Variants in GLDC observed in about 807,000 individuals in gnomAD.
GLDC encodes glycine dehydrogenase (decarboxylating), mitochondrial.
GLDC carries 104 observed loss-of-function variants against 121.3 expected under a neutral mutation model. The ratio of observed to expected loss-of-function variants is 0.86; its 90% CI spans 0.73 to 1.01. The LOEUF is 1.01. Among genes scored for constraint, GLDC ranks in the 50% least tolerant of loss-of-function variants. GLDC has a pLI of 0.00. For synonymous variants in GLDC, 546 were observed against 480.6 expected, an observed-to-expected ratio of 1.14 and a Z score of -1.78; for missense variants, 1,429 against 1,306.6, an observed-to-expected ratio of 1.09 and a Z score of -1.44.
At chr9:6,626,336 G>T (rs73639333) in intron 2 of GLDC, among the ~76,000 whole-genome samples, 2 of 152,186 alleles carry the variant, frequency 1.3e-5, no homozygotes, top group Non-Finnish European at 2.9e-5. Flanking sequence ...AGCTCCAGGA[G>T]ACCAGTCAAG....
intron 20 of GLDC, 118 bp from the exon 21 acceptor site, chr9:6,551,032 A>T (rs1587920438): frequency 1.3e-6 from 1 of 765,438 alleles, no homozygotes; most frequent in East Asian, 2.4e-5. Flanking sequence ...GCCCACCATG[A>T]CTCTGGAGTA....
At chr9:6,632,108 C>T (rs1342934918) in intron 2 of GLDC, among the ~76,000 whole-genome samples, 3 of 152,136 alleles carry the variant, frequency 2.0e-5, no homozygotes, top group Non-Finnish European at 4.4e-5. Flanking sequence ...AACCGAGAAT[C>T]ACACCAAGTA....
chr9:6,589,388 A>C lies in GLDC; in HGVS notation c.1483-96T>G, dbSNP rs578059279. 2.8e-5 allele frequency: 19 copies of C among 675,126 alleles called. No individual in the cohort carries two copies. In the South Asian group the frequency reaches 3.3e-4, roughly 12 times the overall value. The allele number at this position is 675,126 out of a possible 1,614,324, so 41.8% of individuals were successfully genotyped here. A position where few individuals can be genotyped will look rare whatever the true frequency, so the allele number is the denominator to read the frequency against. ...GGGTGGCTGGGCCACAAAGCACTCA[A>C]AATGGATCAAATATATAATTTTACT... On this transcript the variant is annotated intron_variant, in intron 11 of 24. Transcript: ENST00000321612.
intron 2 of GLDC, among the ~76,000 whole-genome samples, chr9:6,620,723 A>C (rs1457634348): frequency 6.6e-6 from 1 of 152,202 alleles, no homozygotes; most frequent in African/African-American, 2.4e-5. Context: ...TACTCTCTGG[A>C]AGTAGGCACA....
Position 6,645,729 on chromosome 9 carries a change from T to C in GLDC, c.-230A>G, listed in dbSNP as rs188460141. On this transcript the variant is annotated 5_prime_UTR_variant, in exon 1 of 25. Coordinates refer to ENST00000321612, the MANE Select transcript of GLDC (RefSeq NM_000170.3). ...CCCAAGGCACCTGCTCCGCACACTT[T>C]AAGCGGCGCCCTGGAGGCGGGAGGT... 247 of 274,998 alleles carry C rather than the reference T, an allele frequency of 9.0e-4. 2 individuals carry two copies. The highest frequency in any genetic ancestry group is 5.0e-3 in the African/African-American group (225 of 44,630). 17.0% of individuals were successfully genotyped at this position (274,998 alleles called of 1,614,324 possible). A position where few individuals can be genotyped will look rare whatever the true frequency, so the allele number is the denominator to read the frequency against.
At chr9:6,643,498 G>A (rs1819670317) in intron 2 of GLDC, among the ~76,000 whole-genome samples, 1 of 149,748 alleles carries the variant, frequency 6.7e-6, no homozygotes, top group African/African-American at 2.5e-5. Flanking sequence ...AAAGAGATAA[G>A]TATCTCCATG....
intron 22 of GLDC, among the ~76,000 whole-genome samples, chr9:6,536,687 T>G (rs1428249014): frequency 1.3e-5 from 2 of 152,216 alleles, no homozygotes; most frequent in African/African-American, 4.8e-5. Context: ...GGGATTTTTC[T>G]TTCACTTCGA....
Position 6,604,798 on chromosome 9 carries a change from G to A in GLDC, c.862-14C>T, listed in dbSNP as rs1202842146. On this transcript the variant is annotated splice_polypyrimidine_tract_variant and intron_variant, in intron 6 of 24. Coordinates refer to ENST00000321612, the MANE Select transcript of GLDC (RefSeq NM_000170.3). ...GCAGGCCAGGCTCTAGAAAGGAAGT[G>A]AGAGAAAAGGAACAAGGTTGCTACC... 14 of 1,607,116 alleles carry A rather than the reference G, an allele frequency of 8.7e-6. No individual in the cohort carries two copies. Among genetic ancestry groups the A allele is most frequent in the Non-Finnish European group, 1.1e-5 (13 of 1,173,662 alleles).
At chr9:6,564,617 T>G (rs1817819031) in intron 16 of GLDC, among the ~76,000 whole-genome samples, 1 of 152,148 alleles carries the variant, frequency 6.6e-6, no homozygotes, top group African/African-American at 2.4e-5. Context: ...GCCCCACAGC[T>G]CAGTACAAAC....
chr9:6,544,312 G>A (rs1817338687), intron 21 of GLDC, among the ~76,000 whole-genome samples: 1 of 149,696 alleles, frequency 6.7e-6, no homozygotes, highest in Admixed American at 6.6e-5. Context: ...CCCAGCCCCT[G>A]AGGCCCCTGC....
At chr9:6,575,303 G>A (rs951680458) in intron 15 of GLDC, among the ~76,000 whole-genome samples, 1 of 152,008 alleles carries the variant, frequency 6.6e-6, no homozygotes, top group Non-Finnish European at 1.5e-5. Context: ...GCAGTAGGTA[G>A]GGCATCTGTG....
At chr9:6,555,580 G>A (rs1455790972) in intron 18 of GLDC, among the ~76,000 whole-genome samples, 1 of 151,828 alleles carries the variant, frequency 6.6e-6, no homozygotes, top group Non-Finnish European at 1.5e-5. Context: ...ACCAGCCTGG[G>A]CAACACAGTG....
chr9:6,613,360 C>T (rs1818900232), intron 3 of GLDC, among the ~76,000 whole-genome samples: 1 of 152,130 alleles, frequency 6.6e-6, no homozygotes, highest in Admixed American at 6.6e-5. Context: ...GGCGTGGAGG[C>T]TCACATCTGT....
chr9:6,597,927 C>A (rs1056213166), intron 8 of GLDC, among the ~76,000 whole-genome samples: 1 of 107,230 alleles, frequency 9.3e-6, no homozygotes, highest in African/African-American at 2.7e-5. Flanking sequence ...GAGCGAGACT[C>A]GTCTCCAAAA....
At chr9:6,633,882 T>G (rs1203408745) in intron 2 of GLDC, among the ~76,000 whole-genome samples, 1 of 124,668 alleles carries the variant, frequency 8.0e-6, no homozygotes, top group East Asian at 2.8e-4. Flanking sequence ...CAGGCTGGAG[T>G]CCAGTGGCAC....
At chr9:6,594,700 G>GCAAGCAAGCAAGCAAGCAAGCAAGCAAGC (rs1563852238) in intron 9 of GLDC, among the ~76,000 whole-genome samples, 3 of 151,074 alleles carry the variant, frequency 2.0e-5, no homozygotes, top group African/African-American at 7.3e-5. Context: ...ATTAAGCAAG[G>GCAAGCAAGCAAGCAAGCAAGCAAGCAAGC]AAGCAAGCAA....
intron 21 of GLDC, among the ~76,000 whole-genome samples, chr9:6,547,067 G>A (rs1419416243): frequency 6.6e-6 from 1 of 152,090 alleles, no homozygotes; most frequent in African/African-American, 2.4e-5. Context: ...TATATTAAAT[G>A]TAAGTGTCAT....
chr9:6,556,042 TG>T (rs1817622704), intron 18 of GLDC, 110 bp downstream of exon 18: 1 of 810,110 alleles, frequency 1.2e-6, no homozygotes, highest in Non-Finnish European at 2.0e-6. Context: ...GGTCAGGTCG[TG>T]GGTCTGAGTT....
intron 11 of GLDC, among the ~76,000 whole-genome samples, chr9:6,591,034 C>T (rs569401496): frequency 1.8e-4 from 28 of 152,320 alleles, no homozygotes; most frequent in African/African-American, 6.3e-4. Flanking sequence ...ACACACCAGG[C>T]AGTGTAGGCT....
Sources: allele counts gnomAD v4.1 joint callset (sites outside exome capture counted in the v4.1 genomes callset), GRCh38; gene constraint gnomAD v4.1.1; transcripts MANE v1.5; gene names NCBI Gene and HGNC (gene_info 2026-07-23, HGNC 2026-07-21).